The following ACACB variants were observed in gnomAD, a reference collection of about 807,000 sequenced individuals.
ACACB encodes the protein acetyl-CoA carboxylase beta.
A neutral mutation model predicts 278.8 loss-of-function variants in ACACB; 209 were observed. That is an observed-to-expected ratio of 0.75 (90% CI 0.67 to 0.84). The LOEUF (loss-of-function observed/expected upper bound fraction) is 0.84, where lower values mean the gene tolerates loss of function less well. ACACB is among the 40% of genes least tolerant of loss of function. The pLI is 0.00. For synonymous variants in ACACB, 1,174 were observed against 1,285.6 expected (o/e 0.91, Z 1.86); for missense variants, 2,850 against 3,269.0 (o/e 0.87, Z 3.13).
chr12:109,216,747 G>C (rs766008442), intron 23 of ACACB, 41 bp downstream of exon 23: 7 of 1,614,028 alleles, frequency 4.3e-6, no homozygotes, highest in African/African-American at 1.3e-5. Flanking sequence ...ATGGTGGGGG[G>C]CGTGAGGAGC....
chr12:109,220,062 G>A (rs1490543099), intron 24 of ACACB, among the ~76,000 whole-genome samples: 3 of 152,092 alleles, frequency 2.0e-5, no homozygotes, highest in African/African-American at 4.8e-5. Context: ...TTTGCTGTTC[G>A]TTCTTCTGTG....
intron 19 of ACACB, among the ~76,000 whole-genome samples, chr12:109,206,236 C>A (rs1215370203): frequency 6.6e-6 from 1 of 152,006 alleles, no homozygotes; most frequent in Non-Finnish European, 1.5e-5. Context: ...GAGATCAAGA[C>A]CATCCTGGCC....
At chr12:109,210,256 T>TGTGTATATGTATATATACACACAC (rs1565927536) in intron 21 of ACACB, among the ~76,000 whole-genome samples, 2 of 6,704 alleles carry the variant, frequency 3.0e-4, no homozygotes, top group Non-Finnish European at 7.4e-4. Context: ...TATACACACA[T>TGTGTATATGTATATATACACACAC]GTGTGTATAT....
intron 1 of ACACB, among the ~76,000 whole-genome samples, chr12:109,122,434 C>T (rs2042570777): frequency 6.6e-6 from 1 of 151,608 alleles, no homozygotes; most frequent in Non-Finnish European, 1.5e-5. Context: ...TTTCGCTGGG[C>T]GTGGTGGCAC....
At chr12:109,136,113 A>T (rs899195506) in intron 1 of ACACB, among the ~76,000 whole-genome samples, 7 of 152,212 alleles carry the variant, frequency 4.6e-5, no homozygotes, top group Admixed American at 2.0e-4. Context: ...GCCTGGCCTG[A>T]AGAGATCATT....
rs200909957 is a variant in ACACB, at chr12:109,266,386, G to A, written c.*24G>A. On this transcript the variant is annotated 3_prime_UTR_variant, in exon 53 of 53. Transcript: ENST00000338432. ...GACCGTGGCCCGCCCAGCCACTCCC[G>A]GGACCACGGCAAAAGGAACCACCCA... 1.2e-3 allele frequency: 1,957 copies of A among 1,585,456 alleles called. No individual in the cohort carries two copies. Among genetic ancestry groups the A allele is most frequent in the Non-Finnish European group, 1.4e-3 (1,679 of 1,168,596 alleles).
intron 19 of ACACB, among the ~76,000 whole-genome samples, chr12:109,205,482 C>T (rs1199772379): frequency 6.6e-6 from 1 of 151,224 alleles, no homozygotes; most frequent in Non-Finnish European, 1.5e-5. Context: ...CAGAATTTCA[C>T]TCCATTACCC....
At chr12:109,186,862 G>C (rs2044680079) in intron 12 of ACACB, among the ~76,000 whole-genome samples, 1 of 152,078 alleles carries the variant, frequency 6.6e-6, no homozygotes, top group Non-Finnish European at 1.5e-5. Context: ...TAACAGCCCA[G>C]GCACTTGGGT....
intron 47 of ACACB, 147 bp from the exon 48 acceptor site, chr12:109,260,333 G>A: frequency 8.7e-7 from 1 of 1,149,880 alleles, no homozygotes. Context: ...CACTTAGAGA[G>A]TGATCAGTAC....
chr12:109,157,583 G>A (rs190007053), intron 2 of ACACB, among the ~76,000 whole-genome samples: 3 of 152,188 alleles, frequency 2.0e-5, no homozygotes, highest in Admixed American at 6.6e-5. Context: ...TTCTTGGTCC[G>A]TTGAGACTCT....
Position 109,191,831 on chromosome 12 carries a change from G to A in ACACB, c.2296-16G>A. 6.2e-7 allele frequency: 1 copy of A among 1,614,198 alleles called. No homozygotes were observed. Among genetic ancestry groups the A allele is most frequent in the Non-Finnish European group, 8.5e-7 (1 of 1,180,048 alleles). ...ACCTCGGCTTCCTGAGGATACTGAA[G>A]TGCATTTTCTCCTAGGCGGAGAAAC... On this transcript the variant is annotated splice_polypyrimidine_tract_variant and intron_variant, in intron 14 of 52. Coordinates refer to ENST00000338432, the MANE Select transcript of ACACB (RefSeq NM_001093.4).
intron 46 of ACACB, 73 bp from the exon 47 acceptor site, chr12:109,258,900 T>A: frequency 6.4e-7 from 1 of 1,571,838 alleles, no homozygotes; most frequent in Non-Finnish European, 8.7e-7. Context: ...CAGAGCGAGG[T>A]TCTGGCAGCC....
chr12:109,259,208 A>T, intron 47 of ACACB, 100 bp downstream of exon 47: 3 of 1,411,948 alleles, frequency 2.1e-6, no homozygotes, highest in Non-Finnish European at 2.9e-6. Context: ...TGTGCCCATC[A>T]TCATCTTAGC....
Position 109,166,858 on chromosome 12 carries a change from C to G in ACACB, c.654-3C>G. ...ACGTCTGTCCCTCATTCTTATTCTG[C>G]AGGCCGAGCATGTCGGGACTCCACC... On this transcript the variant is annotated splice_region_variant and splice_polypyrimidine_tract_variant and intron_variant, in intron 2 of 52. Transcript: ENST00000338432. 6.2e-7 allele frequency: 1 copy of G among 1,613,942 alleles called. No homozygotes were observed. The highest frequency in any genetic ancestry group is 8.5e-7 in the Non-Finnish European group (1 of 1,179,986).
intron 2 of ACACB, among the ~76,000 whole-genome samples, chr12:109,165,622 TG>T (rs533294517): frequency 1.3e-3 from 203 of 152,328 alleles, no homozygotes; most frequent in African/African-American, 4.7e-3. Context: ...AACTAAAATC[TG>T]GTACACTGCA....
At position 109,230,571 on chromosome 12, in the gene ACACB, C is replaced by T. The variant is rs909561679; in HGVS notation, c.4002-2098C>T. On this transcript the variant is annotated intron_variant, in intron 28 of 52. Transcript: ENST00000338432. ...CTGTGTAGCTGGGACCACAGGCTTG[C>T]GCCACCACACCTGGCTAATTCTTTA... Among the ~76,000 whole-genome samples the T allele has an allele frequency of 5.9e-5, 9 of 152,306 alleles. No homozygotes were observed. The East Asian group carries it at 1.2e-3, about 20-fold the overall frequency.
At position 109,191,688 on chromosome 12, in the gene ACACB, C is replaced by T; in HGVS notation, c.2220C>T (p.Leu740=). Residue 740 remains leucine, a synonymous_variant, in exon 14 of 53, where the codon CTC becomes CTT. Transcript: ENST00000338432. ...FRTTVEYLIN[L]LETESFQNND... Reference sequence around the variant, plus strand: ...CTACCGTGGAATACCTCATTAACCTCCTGGAGACCGAGAGCTTCCAGAACA... The same window carrying T: ...CTACCGTGGAATACCTCATTAACCTTCTGGAGACCGAGAGCTTCCAGAACA... 1 of 1,614,056 alleles carries T rather than the reference C, an allele frequency of 6.2e-7. No homozygotes were observed. Among genetic ancestry groups the T allele is most frequent in the Non-Finnish European group, 8.5e-7 (1 of 1,179,888 alleles).
intron 13 of ACACB, among the ~76,000 whole-genome samples, chr12:109,190,989 G>A (rs4766537): frequency 0.15 from 22,713 of 151,984 alleles, 2,093 homozygotes; most frequent in East Asian, 0.28. Context: ...AACTAATCAC[G>A]TTCATTGTAG....
chr12:109,148,673 C>T (rs1593404899), intron 2 of ACACB, among the ~76,000 whole-genome samples: 1 of 152,134 alleles, frequency 6.6e-6, no homozygotes, highest in Non-Finnish European at 1.5e-5. Flanking sequence ...AGTTCCAAAA[C>T]ATATCAGGCC....
Sources: gnomAD v4.1 joint callset for allele counts (sites outside exome capture counted in the v4.1 genomes callset) on GRCh38, gnomAD v4.1.1 for gene constraint, MANE v1.5 for transcripts, NCBI Gene and HGNC (gene_info 2026-07-23, HGNC 2026-07-21) for gene names.